The following ROR1 variants were observed in gnomAD, a reference collection of about 807,000 sequenced individuals.
ROR1 encodes the protein ROR family WNT receptor 1, also known as inactive tyrosine-protein kinase transmembrane receptor ROR1.
A neutral mutation model predicts 78.8 loss-of-function variants in ROR1; 19 were observed. The observed-to-expected ratio is 0.24, with a 90% CI of 0.17 to 0.35. The LOEUF is 0.35. Among genes scored for constraint, ROR1 ranks in the 10% least tolerant of loss-of-function variants. The pLI is 1.00. For missense variants in ROR1, 917 were observed against 1,177.8 expected, an observed-to-expected ratio of 0.78 and a Z score of 3.24; for synonymous variants, 386 against 433.6, an observed-to-expected ratio of 0.89 and a Z score of 1.36.
chr1:64,014,773 T>TATATACAC lies in ROR1; in HGVS notation c.163+5398_163+5399insTATACACA, dbSNP rs71056017. Among the ~76,000 whole-genome samples the TATATACAC allele has an allele frequency of 4.9e-4, 23 of 47,006 alleles. 3 individuals carry two copies. In the Middle Eastern group the frequency reaches 0.024, roughly 49 times the overall value. 30.8% of individuals were successfully genotyped at this position (47,006 alleles called of 152,430 possible). On this transcript the variant is annotated intron_variant, in intron 2 of 8. Coordinates refer to ENST00000371079, the MANE Select transcript of ROR1 (RefSeq NM_005012.4). ...ATATATATATATATATATATATATA[T>TATATACAC]ACACATTTTGTCCTGGTTTGCCTTT...
chr1:64,159,573 A>G (rs1262385000), intron 8 of ROR1, among the ~76,000 whole-genome samples: 1 of 152,216 alleles, frequency 6.6e-6, no homozygotes, highest in Non-Finnish European at 1.5e-5. Context: ...ATTGTTCACA[A>G]ACTTCACTGT....
chr1:64,064,335 T>C (rs1163867886), intron 4 of ROR1, among the ~76,000 whole-genome samples: 1 of 152,112 alleles, frequency 6.6e-6, no homozygotes, highest in Non-Finnish European at 1.5e-5. Context: ...ACTGCTGGGG[T>C]TATCACCCAA....
chr1:64,030,637 C>T lies in ROR1; in HGVS notation c.164-19054C>T, dbSNP rs554908861. The stretch of plus-strand genomic sequence containing the variant: ...TGACCAGTTTTCAGGAATGCTATAT[C>T]GAGAATGCTCTGGGGGTGTTGGTAT... On this transcript the variant is annotated intron_variant, in intron 2 of 8. Transcript: ENST00000371079. 3.3e-5 allele frequency among the ~76,000 whole-genome samples: 5 copies of T among 152,206 alleles called. No individual in the cohort carries two copies. The South Asian group carries it at 6.2e-4, about 19-fold the overall frequency.
chr1:64,005,624 G>A (rs145253521), intron 1 of ROR1, among the ~76,000 whole-genome samples: 2 of 152,234 alleles, frequency 1.3e-5, no homozygotes, highest in East Asian at 3.9e-4. Context: ...GGTGGCCATG[G>A]AATTGATGGA....
intron 2 of ROR1, among the ~76,000 whole-genome samples, chr1:64,011,512 C>T (rs1646474454): frequency 6.6e-6 from 1 of 152,158 alleles, no homozygotes; most frequent in Non-Finnish European, 1.5e-5. Flanking sequence ...AGAAAGGCAG[C>T]AGAGCCAGCA....
intron 4 of ROR1, among the ~76,000 whole-genome samples, chr1:64,108,588 A>G (rs1169717308): frequency 6.6e-6 from 1 of 152,034 alleles, no homozygotes; most frequent in African/African-American, 2.4e-5. Context: ...GGCCGTGGGA[A>G]TCACTATGGG....
At chr1:64,066,756 A>G (rs1216589415) in intron 4 of ROR1, 1 of 152,258 alleles carries the variant, frequency 6.6e-6, no homozygotes, top group Non-Finnish European at 1.5e-5. Context: ...GATACATTTT[A>G]AAAAGTTAAA....
chr1:63,798,795 C>G (rs938510861), intron 1 of ROR1, among the ~76,000 whole-genome samples: 3 of 151,976 alleles, frequency 2.0e-5, no homozygotes, highest in Non-Finnish European at 4.4e-5. Context: ...ATGATCGTCC[C>G]TTCTTTACAG....
chr1:63,818,053 C>T (rs1265365726), intron 1 of ROR1, among the ~76,000 whole-genome samples: 2 of 152,078 alleles, frequency 1.3e-5, no homozygotes, highest in East Asian at 1.9e-4. Context: ...CTGTGAGATA[C>T]GTATTATTAT....
intron 1 of ROR1, among the ~76,000 whole-genome samples, chr1:63,782,040 G>A (rs1644654594): frequency 6.6e-6 from 1 of 152,028 alleles, no homozygotes; most frequent in Non-Finnish European, 1.5e-5. Flanking sequence ...CTCTGGCCAG[G>A]ATTTACCACC....
At chr1:63,897,534 C>T (rs1201619848) in intron 1 of ROR1, among the ~76,000 whole-genome samples, 4 of 152,142 alleles carry the variant, frequency 2.6e-5, no homozygotes, top group African/African-American at 4.8e-5. Context: ...TTCCTTGTTT[C>T]TCGGTTCCTT....
chr1:63,947,873 T>C (rs1185928609), intron 1 of ROR1, among the ~76,000 whole-genome samples: 15 of 152,190 alleles, frequency 9.9e-5, no homozygotes, highest in Admixed American at 9.8e-4. Flanking sequence ...ATCTGTCTTC[T>C]GAAATCATGC....
At position 63,856,370 on chromosome 1, in the gene ROR1, G is replaced by A. The variant is rs141565763; in HGVS notation, c.91+81862G>A. 4.4e-3 allele frequency among the ~76,000 whole-genome samples: 677 copies of A among 152,230 alleles called. 3 individuals carry two copies. Among genetic ancestry groups the A allele is most frequent in the African/African-American group, 5.5e-3 (227 of 41,552 alleles). On this transcript the variant is annotated intron_variant, in intron 1 of 8. Transcript: ENST00000371079. The stretch of plus-strand genomic sequence containing the variant: ...AAACACTCTTCTATGTGCTCTCCTC[G>A]TGGCGTGGGGAATCATGAGGTTTTC...
At chr1:63,946,493 T>TATAGGTACAGTGTGGAATGGCTA (rs1645891010) in intron 1 of ROR1, among the ~76,000 whole-genome samples, 1 of 152,220 alleles carries the variant, frequency 6.6e-6, no homozygotes, top group Non-Finnish European at 1.5e-5. Flanking sequence ...TGTTTTGATA[T>TATAGGTACAGTGTGGAATGGCTA]ATAGGTACAG....
chr1:64,056,248 A>G (rs576814557), intron 4 of ROR1, among the ~76,000 whole-genome samples: 2 of 152,314 alleles, frequency 1.3e-5, no homozygotes, highest in African/African-American at 2.4e-5. Flanking sequence ...GAGGAACTGC[A>G]AAACTGTTTT....
intron 1 of ROR1, among the ~76,000 whole-genome samples, chr1:63,823,840 C>T (rs929541609): frequency 3.9e-5 from 6 of 151,900 alleles, no homozygotes; most frequent in South Asian, 2.1e-4. Context: ...CTCTGCCTCC[C>T]GGGTTCAAGC....
chr1:64,150,659 G>A (rs1057362541), intron 7 of ROR1, among the ~76,000 whole-genome samples: 1 of 152,186 alleles, frequency 6.6e-6, no homozygotes, highest in Non-Finnish European at 1.5e-5. Context: ...AAGAAGTATA[G>A]CACTGTTTTA....
intron 2 of ROR1, among the ~76,000 whole-genome samples, chr1:64,031,471 A>G (rs1646659157): frequency 6.6e-6 from 1 of 152,172 alleles, no homozygotes; most frequent in South Asian, 2.1e-4. Flanking sequence ...TTTTTCTTGG[A>G]TGATTCATGT....
intron 1 of ROR1, among the ~76,000 whole-genome samples, chr1:63,954,664 T>C (rs915050374): frequency 3.9e-5 from 6 of 152,240 alleles, no homozygotes; most frequent in Non-Finnish European, 1.5e-5. Flanking sequence ...TTTTTTCTTG[T>C]CATTACTTCC....
Sources: gnomAD v4.1 joint callset for allele counts (sites outside exome capture counted in the v4.1 genomes callset) on GRCh38, gnomAD v4.1.1 for gene constraint, MANE v1.5 for transcripts, NCBI Gene and HGNC (gene_info 2026-07-23, HGNC 2026-07-21) for gene names.